Variants in LAMA1 observed in about 807,000 individuals in gnomAD.
LAMA1 encodes laminin subunit alpha 1.
In LAMA1, 219 loss-of-function variants were observed where a neutral mutation model predicts 348.7. The ratio of observed to expected loss-of-function variants is 0.63; its 90% CI spans 0.56 to 0.70. The LOEUF (loss-of-function observed/expected upper bound fraction) is 0.70, where lower values mean the gene tolerates loss of function less well. Ranked by LOEUF, LAMA1 falls within the 30% of genes least tolerant of loss-of-function variation. The probability of loss-of-function intolerance (pLI) is 0.00; values close to 1 mark genes in which losing one functional copy is unlikely to be tolerated. For synonymous variants in LAMA1, 1,487 were observed against 1,491.0 expected, an observed-to-expected ratio of 1.00 and a Z score of 0.06; for missense variants, 3,744 against 3,888.0, an observed-to-expected ratio of 0.96 and a Z score of 0.99.
At chr18:7,073,082 C>G in intron 3 of LAMA1, among the ~76,000 whole-genome samples, 1 of 152,168 alleles carries the variant, frequency 6.6e-6, no homozygotes, top group East Asian at 1.9e-4. Context: ...TCCACCACTA[C>G]TACCCCCAAG....
intron 27 of LAMA1, among the ~76,000 whole-genome samples, chr18:7,009,015 C>A (rs1286019900): frequency 6.6e-6 from 1 of 152,134 alleles, no homozygotes; most frequent in Non-Finnish European, 1.5e-5. Context: ...AAGATTCCAA[C>A]ATTATGTCCT....
chr18:6,976,108 A>T, intron 44 of LAMA1, 28 bp from the exon 45 acceptor site: 1 of 1,613,394 alleles, frequency 6.2e-7, no homozygotes, highest in Non-Finnish European at 8.5e-7. Context: ...AAGTGTCCCC[A>T]TCATTTAGTG....
chr18:6,948,911 A>T (rs549995780), intron 59 of LAMA1, among the ~76,000 whole-genome samples, 190 bp downstream of exon 59: 32 of 152,318 alleles, frequency 2.1e-4, no homozygotes, highest in African/African-American at 6.5e-4. Flanking sequence ...AACAGGCTGG[A>T]AAGACTGATC....
At position 7,116,316 on chromosome 18, in the gene LAMA1, A is replaced by AT. The variant is rs1381234514; in HGVS notation, c.61+1343dup. Among the ~76,000 whole-genome samples, 3 of 152,330 alleles carry AT rather than the reference A, an allele frequency of 2.0e-5. No individual in the cohort carries two copies. In the East Asian group the frequency reaches 5.8e-4, roughly 29 times the overall value. On this transcript the variant is annotated intron_variant, in intron 1 of 62. Coordinates refer to ENST00000389658, the MANE Select transcript of LAMA1 (RefSeq NM_005559.4). ...GGACTTGTTCACCTTCAGCAGCCTG[A>AT]TAGACAGGAGTCCCCTCGCAATCCT...
rs758038375 is a variant in LAMA1 at position 6,980,598 on chromosome 18, T to C, written c.5930A>G (p.Asn1977Ser). The C allele has an allele frequency of 1.2e-6, 2 of 1,613,210 alleles. No homozygotes were observed. Among genetic ancestry groups the C allele is most frequent in the East Asian group, 4.5e-5 (2 of 44,862 alleles). The change falls in exon 42 of 63, where the codon AAC (asparagine) becomes AGC (serine). Residue 1977 changes from asparagine (N) to serine (S), a missense_variant. Transcript: ENST00000389658. ...LELSELRNKT[N>S]RFQENAVEIT... ...TTCAACAGCATTCTCTTGAAATCTG[T>C]TTGTCTTATTTCTCAATTCACTCAG...
At chr18:7,017,586 T>A (rs570595043) in intron 19 of LAMA1, among the ~76,000 whole-genome samples, 3 of 152,340 alleles carry the variant, frequency 2.0e-5, no homozygotes, top group South Asian at 4.1e-4. Context: ...GAAGGATCCA[T>A]CACAGGAAAA....
At position 6,965,395 on chromosome 18, in the gene LAMA1, ACT is replaced by A; in HGVS notation, c.7086_7087del (p.Arg2362SerfsTer6). 2 of 1,614,108 alleles carry A rather than the reference ACT, an allele frequency of 1.2e-6. No homozygotes were observed. The highest frequency in any genetic ancestry group is 1.7e-6 in the Non-Finnish European group (2 of 1,180,016). On this transcript the variant is annotated frameshift_variant, in exon 50 of 63. Coordinates refer to ENST00000389658, the MANE Select transcript of LAMA1 (RefSeq NM_005559.4). LOFTEE classifies it high-confidence loss of function. ...TGAACCCAGGTCAGTCATAACCTTC[ACT>A]CTGCCACGAAACAGCTCGATGGATA...
chr18:7,034,305 G>A (rs554908774), intron 14 of LAMA1, among the ~76,000 whole-genome samples, 174 bp downstream of exon 14: 3 of 152,070 alleles, frequency 2.0e-5, no homozygotes, highest in African/African-American at 4.8e-5. Context: ...CTGTTCTTAC[G>A]TTTTCAATAA....
At chr18:7,098,706 CGGGAGGGAG>C (rs2058275586) in intron 1 of LAMA1, among the ~76,000 whole-genome samples, 1 of 147,120 alleles carries the variant, frequency 6.8e-6, no homozygotes, top group African/African-American at 2.5e-5. Flanking sequence ...CCACCCCATC[CGGGAGGGAG>C]GTGGGGGGGT....
chr18:6,980,148 T>C (rs577537551), intron 42 of LAMA1, among the ~76,000 whole-genome samples: 9 of 152,354 alleles, frequency 5.9e-5, no homozygotes, highest in African/African-American at 2.2e-4. Flanking sequence ...ACACTGATAA[T>C]GAATCTGGCA....
chr18:6,949,404 C>T, intron 58 of LAMA1, 145 bp from the exon 59 acceptor site: 2 of 825,770 alleles, frequency 2.4e-6, no homozygotes, highest in Non-Finnish European at 4.0e-6. Flanking sequence ...AATTTTTAGA[C>T]AGTTGGTGAC....
chr18:6,960,230 A>T (rs563383327), intron 53 of LAMA1: 1 of 155,140 alleles, frequency 6.4e-6, no homozygotes, highest in South Asian at 2.0e-4. Flanking sequence ...ATATGTTCAT[A>T]GCAGCATTTA....
At chr18:7,086,970 C>T (rs1353793117) in intron 1 of LAMA1, among the ~76,000 whole-genome samples, 1 of 152,162 alleles carries the variant, frequency 6.6e-6, no homozygotes, top group African/African-American at 2.4e-5. Context: ...TTTCTCCATT[C>T]AGTGTGCGCA....
chr18:7,006,220 C>T (rs1372127545), intron 29 of LAMA1, among the ~76,000 whole-genome samples: 5 of 152,184 alleles, frequency 3.3e-5, no homozygotes, highest in Middle Eastern at 3.4e-3. Flanking sequence ...GTCAGGGCTG[C>T]GAGGCTTCTG....
At chr18:7,029,601 C>A (rs570066937) in intron 16 of LAMA1, among the ~76,000 whole-genome samples, 1 of 152,096 alleles carries the variant, frequency 6.6e-6, no homozygotes, top group Non-Finnish European at 1.5e-5. Flanking sequence ...GTGCCACCAG[C>A]CCTTTACCTG....
At chr18:6,945,374 C>G (rs1265396840) in intron 61 of LAMA1, among the ~76,000 whole-genome samples, 1 of 152,098 alleles carries the variant, frequency 6.6e-6, no homozygotes, top group Non-Finnish European at 1.5e-5. Context: ...CAGACATGAC[C>G]TTTCAGATCC....
intron 3 of LAMA1, among the ~76,000 whole-genome samples, chr18:7,063,192 G>T (rs939151082): frequency 6.6e-6 from 1 of 152,120 alleles, no homozygotes; most frequent in African/African-American, 2.4e-5. Flanking sequence ...ATTGTTTCTT[G>T]TGAGTGTGTA....
chr18:6,984,173 CAT>C (rs150628265), intron 39 of LAMA1, among the ~76,000 whole-genome samples: 2,403 of 152,186 alleles, frequency 0.016, 49 homozygotes, highest in African/African-American at 0.051. Flanking sequence ...ATCCCTAAGA[CAT>C]ATTAGGAAGC....
chr18:7,080,154 C>T, intron 2 of LAMA1, 67 bp from the exon 3 acceptor site: 1 of 1,563,826 alleles, frequency 6.4e-7, no homozygotes, highest in Admixed American at 1.7e-5. Flanking sequence ...AAGTTCTAAA[C>T]CGTAATGCTA....
Sources: allele counts gnomAD v4.1 joint callset (sites outside exome capture counted in the v4.1 genomes callset), GRCh38; gene constraint gnomAD v4.1.1; transcripts MANE v1.5; gene names NCBI Gene and HGNC (gene_info 2026-07-23, HGNC 2026-07-21).